SMARCA2: variants seen among roughly 807,000 people sequenced by gnomAD.
The protein encoded by SMARCA2 is SWI/SNF related BAF chromatin remodeling complex subunit ATPase 2.
SMARCA2 carries 61 observed loss-of-function variants against 199.8 expected under a neutral mutation model. That is an observed-to-expected ratio of 0.31 (90% CI 0.25 to 0.38). The LOEUF (loss-of-function observed/expected upper bound fraction) is 0.38. Ranked by LOEUF, SMARCA2 falls within the 10% of genes least tolerant of loss-of-function variation. The pLI is 1.00. For synonymous variants in SMARCA2, 935 were observed against 732.0 expected, an observed-to-expected ratio of 1.28 and a Z score of -4.48; for missense variants, 1,344 against 2,012.2, an observed-to-expected ratio of 0.67 and a Z score of 6.35.
intron 9 of SMARCA2, among the ~76,000 whole-genome samples, chr9:2,068,511 A>G (rs547057889): frequency 6.6e-6 from 1 of 152,346 alleles, no homozygotes; most frequent in South Asian, 2.1e-4. Flanking sequence ...GGCTGATTTT[A>G]AACTTTAAGT....
intron 1 of SMARCA2, among the ~76,000 whole-genome samples, chr9:2,018,688 C>T (rs1397718996): frequency 6.6e-6 from 1 of 152,188 alleles, no homozygotes; most frequent in Non-Finnish European, 1.5e-5. Flanking sequence ...GTTGCTTGGG[C>T]GTTGAGTAGC....
intron 14 of SMARCA2, 116 bp from the exon 15 acceptor site, chr9:2,081,716 G>A (rs1821574661): frequency 1.2e-6 from 1 of 822,480 alleles, no homozygotes; most frequent in African/African-American, 1.7e-5. Context: ...TTCCTACTGT[G>A]GGAAACCCAA....
At chr9:2,020,929 A>G (rs745312497) in intron 1 of SMARCA2, among the ~76,000 whole-genome samples, 1 of 152,186 alleles carries the variant, frequency 6.6e-6, no homozygotes, top group Non-Finnish European at 1.5e-5. Flanking sequence ...GTCCTTCTGG[A>G]CTTCTGGGTT....
At chr9:2,073,423 T>G (rs1171190877) in intron 11 of SMARCA2, 81 bp downstream of exon 11, 1 of 1,566,734 alleles carries the variant, frequency 6.4e-7, no homozygotes. Context: ...AAACTAAAAC[T>G]ACACAGCCTT....
intron 18 of SMARCA2, 99 bp from the exon 19 acceptor site, chr9:2,088,401 T>A: frequency 7.4e-7 from 1 of 1,356,462 alleles, no homozygotes; most frequent in Non-Finnish European, 9.8e-7. Context: ...ATGTAAAATG[T>A]CAATCATGTA....
chr9:2,154,385 C>T (rs1185921297), intron 27 of SMARCA2, among the ~76,000 whole-genome samples: 1 of 152,140 alleles, frequency 6.6e-6, no homozygotes, highest in Admixed American at 6.5e-5. Flanking sequence ...TATTAGACAG[C>T]CTCAAACTAC....
chr9:2,055,750 A>T lies in SMARCA2; in HGVS notation c.1174-922A>T, dbSNP rs538385414. ...CTTAAATTTTAAAAAGAAAAGGGAA[A>T]ATTCTCTGAGTTCTGTTTACTTCTT... On this transcript the variant is annotated intron_variant, in intron 6 of 33. Transcript: ENST00000349721. The T allele has an allele frequency of 5.3e-4, 81 of 152,258 alleles. 1 individual carries two copies. Among genetic ancestry groups the T allele is most frequent in the African/African-American group, 1.8e-3 (74 of 41,536 alleles). The allele number at this position is 152,258 out of a possible 1,614,324, so 9.4% of individuals were successfully genotyped here. A position where few individuals can be genotyped will look rare whatever the true frequency, so the allele number is the denominator to read the frequency against.
At chr9:2,175,893 T>C (rs1238700977) in intron 29 of SMARCA2, among the ~76,000 whole-genome samples, 2 of 152,070 alleles carry the variant, frequency 1.3e-5, no homozygotes, top group African/African-American at 4.8e-5. Flanking sequence ...TTTGTTTGTT[T>C]TTTGAGATGA....
chr9:2,137,565 G>T (rs776064948), intron 27 of SMARCA2, among the ~76,000 whole-genome samples: 21 of 152,050 alleles, frequency 1.4e-4, no homozygotes, highest in Non-Finnish European at 2.8e-4. Flanking sequence ...ACCCTTCCTG[G>T]CCAACCTAGC....
intron 27 of SMARCA2, among the ~76,000 whole-genome samples, chr9:2,153,618 A>G (rs993218425): frequency 2.6e-5 from 4 of 152,226 alleles, no homozygotes; most frequent in African/African-American, 9.6e-5. Context: ...AATGTTTTTA[A>G]TATTTTAAAT....
intron 27 of SMARCA2, chr9:2,160,801 A>G (rs1028077721): frequency 7.2e-6 from 3 of 414,272 alleles, no homozygotes; most frequent in Admixed American, 8.3e-5. Flanking sequence ...TCTATGTTCA[A>G]ATTTTATGTT....
rs147444065 is a variant in SMARCA2, at chr9:2,189,393, G to A, written c.4595-1873G>A. On this transcript the variant is annotated intron_variant, in intron 32 of 33. Transcript: ENST00000349721. ...AGCATTAGAGTGCGCCACACTCCAA[G>A]GCACATTTAGATTACGCTCTCAAGG... 1.2e-4 allele frequency among the ~76,000 whole-genome samples: 19 copies of A among 152,148 alleles called. No homozygotes were observed. The East Asian group carries it at 3.1e-3, about 25-fold the overall frequency.
In SMARCA2 at chr9:2,081,930, A is replaced by C; in HGVS notation, c.2283A>C (p.Ala761=). ...MGLGKTIQTI[A]LITYLMEHKR... is the part of the protein sequence containing the mutation. ...TTGGAAAGACCATACAGACCATTGC[A>C]CTCATCACTTATCTGATGGAGCACA... Residue 761 remains alanine, a synonymous_variant, in exon 15 of 34, where the codon GCA becomes GCC. Transcript: ENST00000349721. 6.2e-7 allele frequency: 1 copy of C among 1,613,802 alleles called. No individual in the cohort carries two copies. The highest frequency in any genetic ancestry group is 8.5e-7 in the Non-Finnish European group (1 of 1,179,720).
At chr9:2,072,737 T>C (rs1222238978) in intron 10 of SMARCA2, among the ~76,000 whole-genome samples, 2 of 152,262 alleles carry the variant, frequency 1.3e-5, no homozygotes, top group African/African-American at 4.8e-5. Flanking sequence ...GATAGGATAC[T>C]GGGCAACTCA....
chr9:2,142,287 A>T (rs181987383), intron 27 of SMARCA2, among the ~76,000 whole-genome samples: 5 of 152,382 alleles, frequency 3.3e-5, no homozygotes, highest in African/African-American at 1.2e-4. Context: ...GAATCAGACA[A>T]CGTCAAGCAA....
In SMARCA2 at chr9:2,063,047, G is replaced by A. The variant is rs1820674011; in HGVS notation, c.1692+2061G>A. 3.9e-5 allele frequency among the ~76,000 whole-genome samples: 6 copies of A among 152,268 alleles called. No homozygotes were observed. In the South Asian group the frequency reaches 1.2e-3, roughly 32 times the overall value. On this transcript the variant is annotated intron_variant, in intron 9 of 33. Coordinates refer to ENST00000349721, the MANE Select transcript of SMARCA2 (RefSeq NM_003070.5). ...GATTATCTCACATGATCAATGTGCA[G>A]AATTTTTACTTTATGGTCAGCCATC... is the stretch of plus-strand genomic sequence containing the variant.
Position 2,097,548 on chromosome 9 carries a change from GA to G in SMARCA2, c.3078+88del, listed in dbSNP as rs60293281. 0.21 allele frequency: 152,905 copies of G among 716,034 alleles called. 15,332 individuals are homozygous for G. Among genetic ancestry groups the G allele is most frequent in the African/African-American group, 0.52 (27,970 of 54,082 alleles). 44.4% of individuals were successfully genotyped at this position (716,034 alleles called of 1,614,324 possible). A position where few individuals can be genotyped will look rare whatever the true frequency, so the allele number is the denominator to read the frequency against. ...TAGTTAAAAAAAAACAAACAAACAG[GA>G]AAAAAAAAAACCAAAATAGATTTAA... On this transcript the variant is annotated intron_variant, in intron 21 of 33. Coordinates refer to ENST00000349721, the MANE Select transcript of SMARCA2 (RefSeq NM_003070.5).
At chr9:2,128,923 T>C (rs1430951668) in intron 27 of SMARCA2, among the ~76,000 whole-genome samples, 16 of 152,150 alleles carry the variant, frequency 1.1e-4, no homozygotes, top group African/African-American at 3.6e-4. Context: ...CTCCATAAGT[T>C]AAAGTGCATA....
rs1252954552 is a variant in SMARCA2 at position 2,073,640 on chromosome 9, G to C, written c.1935+17G>C. 6.3e-7 allele frequency: 1 copy of C among 1,580,534 alleles called. No individual in the cohort carries two copies. Among genetic ancestry groups the C allele is most frequent in the African/African-American group, 1.3e-5 (1 of 74,298 alleles). ...GAGGAAGAGGTATGTATGTATCTCTGTTTGGGGTTTATTGGTTTGAAAGTT... is the reference window on the plus strand; with the variant it reads ...GAGGAAGAGGTATGTATGTATCTCTCTTTGGGGTTTATTGGTTTGAAAGTT... On this transcript the variant is annotated intron_variant, in intron 12 of 33. Coordinates refer to ENST00000349721, the MANE Select transcript of SMARCA2 (RefSeq NM_003070.5).
Sources: allele counts gnomAD v4.1 joint callset (sites outside exome capture counted in the v4.1 genomes callset), GRCh38; gene constraint gnomAD v4.1.1; transcripts MANE v1.5; gene names NCBI Gene and HGNC (gene_info 2026-07-23, HGNC 2026-07-21).